The following EXOC4 variants were observed in gnomAD, a reference collection of about 807,000 sequenced individuals.
EXOC4 encodes exocyst complex component 4.
In EXOC4, 71 loss-of-function variants were observed where a neutral mutation model predicts 107.2. The ratio of observed to expected loss-of-function variants is 0.66; its 90% CI spans 0.55 to 0.81. EXOC4 has a LOEUF of 0.81. Ranked by LOEUF, EXOC4 falls within the 30% of genes least tolerant of loss-of-function variation. The pLI is 0.00. For synonymous variants in EXOC4, 456 were observed against 441.2 expected, an observed-to-expected ratio of 1.03 and a Z score of -0.42; for missense variants, 1,108 against 1,189.6, an observed-to-expected ratio of 0.93 and a Z score of 1.01.
chr7:133,767,371 G>A (rs1796160208), intron 10 of EXOC4, among the ~76,000 whole-genome samples: 1 of 151,822 alleles, frequency 6.6e-6, no homozygotes, highest in Admixed American at 6.6e-5. Flanking sequence ...TAGACAGAAG[G>A]TGAAATGACG....
At chr7:133,836,109 T>A (rs147760476) in intron 11 of EXOC4, among the ~76,000 whole-genome samples, 1 of 152,202 alleles carries the variant, frequency 6.6e-6, no homozygotes, top group East Asian at 1.9e-4. Context: ...AAATATAATA[T>A]AGCAGACAGG....
intron 11 of EXOC4, among the ~76,000 whole-genome samples, chr7:133,832,957 C>T (rs1192559382): frequency 6.6e-6 from 1 of 151,916 alleles, no homozygotes; most frequent in Non-Finnish European, 1.5e-5. Flanking sequence ...AAGAAAAAGG[C>T]AAAAGTAAAA....
rs773312872 is a variant in EXOC4 at position 133,305,918 on chromosome 7, G to A, written c.513G>A (p.Val171=). 8 of 1,612,686 alleles carry A rather than the reference G, an allele frequency of 5.0e-6. No homozygotes were observed. The South Asian group carries it at 8.8e-5, about 18-fold the overall frequency. The change falls in exon 4 of 18, where the codon GTG becomes GTA. Residue 171 remains valine (V), a synonymous_variant. Transcript: ENST00000253861. ...VESLEGPLLQ[V]EGLSDLRLEL... ...CTTTGGAGGGCCCCCTGCTCCAGGT[G>A]GAAGGACTGAGTGACCTTCGACTAG...
chr7:133,792,478 G>A (rs1218722148), intron 10 of EXOC4, among the ~76,000 whole-genome samples: 17 of 141,426 alleles, frequency 1.2e-4, no homozygotes, highest in South Asian at 2.2e-4. Context: ...GCTTGAGCCC[G>A]GAAGGTTGAG....
chr7:133,920,190 G>A (rs1799906727), intron 13 of EXOC4, among the ~76,000 whole-genome samples: 1 of 152,202 alleles, frequency 6.6e-6, no homozygotes, highest in South Asian at 2.1e-4. Flanking sequence ...CTTTGGTGAA[G>A]TGTTTATTCA....
chr7:133,923,167 C>T (rs1307933611), intron 13 of EXOC4, among the ~76,000 whole-genome samples: 3 of 140,020 alleles, frequency 2.1e-5, no homozygotes, highest in East Asian at 4.2e-4. Context: ...TTTCGCCCTT[C>T]GCCCAGGCTG....
At chr7:133,729,687 A>C (rs962468036) in intron 10 of EXOC4, among the ~76,000 whole-genome samples, 2 of 151,972 alleles carry the variant, frequency 1.3e-5, no homozygotes, top group African/African-American at 4.8e-5. Flanking sequence ...CTTTCTTGTT[A>C]TTTTATTTTT....
chr7:134,093,414 A>G, the EXOC4 span, among the ~76,000 whole-genome samples: 2 of 152,190 alleles, frequency 1.3e-5, 1 homozygote, highest in Admixed American at 1.3e-4. Context: ...AAGCACCCAG[A>G]TTATTAAAAC....
intron 9 of EXOC4, among the ~76,000 whole-genome samples, chr7:133,590,920 C>G (rs1402056676): frequency 1.3e-5 from 2 of 152,186 alleles, no homozygotes; most frequent in Non-Finnish European, 2.9e-5. Flanking sequence ...ATAACATTCC[C>G]TCTGGGGCAT....
chr7:133,580,177 A>G (rs530358100), intron 9 of EXOC4, among the ~76,000 whole-genome samples: 2 of 152,326 alleles, frequency 1.3e-5, no homozygotes, highest in South Asian at 2.1e-4. Flanking sequence ...GTATGTATAC[A>G]TCGCATTTTG....
intron 10 of EXOC4, among the ~76,000 whole-genome samples, chr7:133,721,001 C>G (rs1021336875): frequency 2.6e-5 from 4 of 152,158 alleles, no homozygotes; most frequent in East Asian, 3.8e-4. Flanking sequence ...TAATTTTGCT[C>G]TATTCCTTTT....
intron 14 of EXOC4, among the ~76,000 whole-genome samples, chr7:133,989,911 A>G (rs1171385950): frequency 6.6e-6 from 1 of 152,208 alleles, no homozygotes; most frequent in Non-Finnish European, 1.5e-5. Context: ...CACCAGGGAA[A>G]GGATTGACAA....
chr7:134,078,589 A>T, the EXOC4 span, among the ~76,000 whole-genome samples: 1 of 151,928 alleles, frequency 6.6e-6, no homozygotes, highest in African/African-American at 2.4e-5. Flanking sequence ...AAAAGAATAT[A>T]TTTTTCTACC....
intron 4 of EXOC4, among the ~76,000 whole-genome samples, chr7:133,314,423 A>T (rs1227404147): frequency 6.6e-6 from 1 of 152,174 alleles, no homozygotes; most frequent in Non-Finnish European, 1.5e-5. Context: ...AGAGAGAGAG[A>T]TGAGTGTATG....
chr7:133,285,073 C>T (rs1794244416), intron 2 of EXOC4, among the ~76,000 whole-genome samples: 1 of 152,154 alleles, frequency 6.6e-6, no homozygotes. Context: ...CCTTCCCAAT[C>T]TCTCCCCATC....
In EXOC4 at chr7:133,367,020, G is replaced by T. The variant is rs189259978; in HGVS notation, c.1008-7808G>T. ...TGGTGATGGCTTGGGTATGAGGGAG[G>T]AGGGGAGGTAAGGATTTTTTGCTGG... On this transcript the variant is annotated intron_variant, in intron 6 of 17. Transcript: ENST00000253861. Among the ~76,000 whole-genome samples, 456 of 152,250 alleles carry T rather than the reference G, an allele frequency of 3.0e-3. 4 individuals are homozygous for T. Among genetic ancestry groups the T allele is most frequent in the African/African-American group, 0.011 (437 of 41,540 alleles).
chr7:133,483,833 C>G (rs1799212049), intron 9 of EXOC4, among the ~76,000 whole-genome samples: 1 of 152,136 alleles, frequency 6.6e-6, no homozygotes, highest in Admixed American at 6.5e-5. Flanking sequence ...AACGGCTGTC[C>G]TTTTTCAGTT....
chr7:133,263,788 C>CA (rs11369055), intron 1 of EXOC4, among the ~76,000 whole-genome samples: 152,272 of 152,274 alleles, frequency 1, 76,135 homozygotes, highest in Middle Eastern at 1. Flanking sequence ...TGGTGGGAAA[C>CA]AGGTTGATTG....
At chr7:134,001,953 T>TA (rs1339095534) in intron 15 of EXOC4, among the ~76,000 whole-genome samples, 1 of 152,224 alleles carries the variant, frequency 6.6e-6, no homozygotes, top group Non-Finnish European at 1.5e-5. Context: ...ACTTTAAAAA[T>TA]ACTTTAGCAT....
Sources: gnomAD v4.1 joint callset for allele counts (sites outside exome capture counted in the v4.1 genomes callset) on GRCh38, gnomAD v4.1.1 for gene constraint, MANE v1.5 for transcripts, NCBI Gene and HGNC (gene_info 2026-07-23, HGNC 2026-07-21) for gene names.